OR1F1: variants seen among roughly 807,000 people sequenced by gnomAD.
OR1F1 encodes olfactory receptor 1F1.
For missense variants in OR1F1, 493 were observed against 376.3 expected, an observed-to-expected ratio of 1.31 and a Z score of -2.57; for synonymous variants, 184 against 156.7, an observed-to-expected ratio of 1.17 and a Z score of -1.30.
At chr16:3,196,598 G>T in the OR1F1 span, among the ~76,000 whole-genome samples, 1 of 151,992 alleles carries the variant, frequency 6.6e-6, no homozygotes, top group Admixed American at 6.6e-5. Context: ...TTGTTGCCCA[G>T]GCTGGTCTTG....
At chr16:3,192,917 T>TA in the OR1F1 span, among the ~76,000 whole-genome samples, 187 of 151,274 alleles carry the variant, frequency 1.2e-3, 2 homozygotes, top group African/African-American at 4.1e-3. Flanking sequence ...CCCGCGGGAT[T>TA]AAAAAAAAAG....
chr16:3,205,098 G>A (rs756623758), exon 1 of OR1F1: 11 of 1,613,746 alleles, frequency 6.8e-6, no homozygotes, highest in Non-Finnish European at 9.3e-6. Context: ...TGACTCCCAT[G>A]CTAAACCCTT....
the OR1F1 span, among the ~76,000 whole-genome samples, chr16:3,192,004 G>T: frequency 6.6e-6 from 1 of 152,116 alleles, no homozygotes; most frequent in African/African-American, 2.4e-5. Context: ...GTTGGTCTAG[G>T]GGTATGATTC....
chr16:3,192,407 A>T, the OR1F1 span, among the ~76,000 whole-genome samples: 1 of 152,122 alleles, frequency 6.6e-6, no homozygotes, highest in Admixed American at 6.5e-5. Context: ...GTGAGACTCA[A>T]CCCCTCGGTC....
exon 1 of OR1F1, chr16:3,204,823 C>A (rs1311864730): frequency 6.2e-7 from 1 of 1,614,180 alleles, no homozygotes; most frequent in South Asian, 1.1e-5. Flanking sequence ...CTCAGACACA[C>A]ACCTCAATGA....
chr16:3,194,853 G>A, the OR1F1 span, among the ~76,000 whole-genome samples: 46 of 152,294 alleles, frequency 3.0e-4, 2 homozygotes, highest in African/African-American at 1.1e-3. Context: ...GAACTCCTGT[G>A]CTCAAGTTAT....
At chr16:3,190,587 C>A in the OR1F1 span, among the ~76,000 whole-genome samples, 1 of 151,954 alleles carries the variant, frequency 6.6e-6, no homozygotes, top group South Asian at 2.1e-4. Flanking sequence ...CCTGTCTCTA[C>A]TGAAAATACA....
upstream of OR1F1, among the ~76,000 whole-genome samples, chr16:3,202,850 A>C (rs1283165142): frequency 6.6e-6 from 1 of 152,094 alleles, no homozygotes; most frequent in African/African-American, 2.4e-5. Flanking sequence ...TCTCCACTCT[A>C]TAGATGATGG....
chr16:3,191,560 C>T, the OR1F1 span, among the ~76,000 whole-genome samples: 1 of 152,080 alleles, frequency 6.6e-6, no homozygotes, highest in Non-Finnish European at 1.5e-5. Context: ...TGGGTTCGAG[C>T]CCCACGTTGG....
the OR1F1 span, among the ~76,000 whole-genome samples, chr16:3,194,245 G>C: frequency 1.3e-5 from 2 of 152,136 alleles, no homozygotes. Context: ...TATCAAAGTG[G>C]GAAAATGTTG....
the OR1F1 span, among the ~76,000 whole-genome samples, chr16:3,193,921 C>G: frequency 6.6e-6 from 1 of 152,110 alleles, no homozygotes; most frequent in Non-Finnish European, 1.5e-5. Flanking sequence ...GGTAACTGCC[C>G]CAGTGGCCTG....
At chr16:3,203,125 C>T (rs575688195), upstream of OR1F1, among the ~76,000 whole-genome samples, 1 of 152,204 alleles carries the variant, frequency 6.6e-6, no homozygotes, top group Non-Finnish European at 1.5e-5. Context: ...AGTGCTGAGG[C>T]AGGAATTATG....
chr16:3,199,148 A>C, the OR1F1 span, among the ~76,000 whole-genome samples: 1 of 140,412 alleles, frequency 7.1e-6, no homozygotes, highest in East Asian at 2.0e-4. Flanking sequence ...AAAAAAAAAA[A>C]AAAAATTACC....
upstream of OR1F1, among the ~76,000 whole-genome samples, chr16:3,202,012 T>A (rs1958140235): frequency 6.6e-6 from 1 of 152,238 alleles, no homozygotes; most frequent in South Asian, 2.1e-4. Context: ...CAGGCAGCTG[T>A]AACACTGCCT....
At chr16:3,190,497 T>C in the OR1F1 span, among the ~76,000 whole-genome samples, 1 of 152,166 alleles carries the variant, frequency 6.6e-6, no homozygotes. Flanking sequence ...ACGCCTGCAA[T>C]CCCAGCACTT....
chr16:3,192,695 C>T, the OR1F1 span, among the ~76,000 whole-genome samples: 6 of 152,240 alleles, frequency 3.9e-5, no homozygotes, highest in African/African-American at 1.4e-4. Context: ...TCCTCTCGCG[C>T]CGAGCCTGGA....
chr16:3,203,379 C>A (rs1958159579), upstream of OR1F1, among the ~76,000 whole-genome samples: 1 of 152,192 alleles, frequency 6.6e-6, no homozygotes, highest in African/African-American at 2.4e-5. Flanking sequence ...GAGTCACCCT[C>A]CCTCAGACCA....
chr16:3,192,258 G>C, the OR1F1 span, among the ~76,000 whole-genome samples: 1 of 151,678 alleles, frequency 6.6e-6, no homozygotes, highest in South Asian at 2.1e-4. Flanking sequence ...GGGTTTCACC[G>C]TGTTAGCCAG....
At chr16:3,204,864 C>G in exon 1 of OR1F1, 1 of 1,614,178 alleles carries the variant, frequency 6.2e-7, no homozygotes, top group Non-Finnish European at 8.5e-7. Flanking sequence ...GTGCCCTGGT[C>G]ATGATCACCC....
Sources: allele counts gnomAD v4.1 joint callset (sites outside exome capture counted in the v4.1 genomes callset), GRCh38; gene constraint gnomAD v4.1.1; transcripts MANE v1.5; gene names NCBI Gene and HGNC (gene_info 2026-07-23, HGNC 2026-07-21).